The following TASP1 variants were observed in gnomAD, a reference collection of about 807,000 sequenced individuals.
TASP1 encodes the protein threonine aspartase 1.
A neutral mutation model predicts 56.6 loss-of-function variants in TASP1; 16 were observed. The observed-to-expected ratio is 0.28, with a 90% confidence interval of 0.19 to 0.43. TASP1 has a LOEUF of 0.43. Ranked by LOEUF, TASP1 falls within the 20% of genes least tolerant of loss-of-function variation. The pLI is 1.00. For missense variants in TASP1, 393 were observed against 511.6 expected, an observed-to-expected ratio of 0.77 and a Z score of 2.24; for synonymous variants, 179 against 184.2, an observed-to-expected ratio of 0.97 and a Z score of 0.23.
chr20:13,596,356 C>T (rs1425589649), intron 4 of TASP1, among the ~76,000 whole-genome samples: 11 of 139,378 alleles, frequency 7.9e-5, no homozygotes. Flanking sequence ...GCCTGGGCAA[C>T]AAGAGTGAAA....
chr20:13,314,823 CTATCTA>C, the TASP1 span, among the ~76,000 whole-genome samples: 1 of 152,132 alleles, frequency 6.6e-6, no homozygotes, highest in East Asian at 1.9e-4. Context: ...ATATCTATAT[CTATCTA>C]TATGTTTATA....
chr20:13,544,754 C>T (rs1033087476), intron 8 of TASP1, among the ~76,000 whole-genome samples: 1 of 152,180 alleles, frequency 6.6e-6, no homozygotes, highest in Non-Finnish European at 1.5e-5. Flanking sequence ...GTCTTTCTTT[C>T]ATTTTAGGGC....
chr20:13,378,725 C>A, the TASP1 span, among the ~76,000 whole-genome samples: 3 of 152,098 alleles, frequency 2.0e-5, no homozygotes, highest in Non-Finnish European at 4.4e-5. Context: ...CTTTGTAGGT[C>A]TCTAGAACTT....
chr20:13,294,555 G>C, the TASP1 span, among the ~76,000 whole-genome samples: 17,990 of 152,184 alleles, frequency 0.12, 1,356 homozygotes, highest in Middle Eastern at 0.17. Context: ...ATGTGGCTAA[G>C]GACACCAGAG....
the TASP1 span, among the ~76,000 whole-genome samples, chr20:13,223,518 C>T: frequency 6.6e-6 from 1 of 152,194 alleles, no homozygotes; most frequent in Non-Finnish European, 1.5e-5. Flanking sequence ...CTCTTGATTA[C>T]ACCAAATTTT....
At chr20:13,318,294 G>C in the TASP1 span, among the ~76,000 whole-genome samples, 2 of 152,058 alleles carry the variant, frequency 1.3e-5, 1 homozygote, top group Non-Finnish European at 2.9e-5. Flanking sequence ...GATACCATTA[G>C]AATGGCCAAA....
intron 7 of TASP1, among the ~76,000 whole-genome samples, chr20:13,563,586 TAAGAAGC>T (rs560211846): frequency 6.6e-6 from 1 of 151,198 alleles, no homozygotes; most frequent in Non-Finnish European, 1.5e-5. Context: ...AATTTATTCC[TAAGAAGC>T]AAAGGTCGTT....
At chr20:13,184,384 C>T in the TASP1 span, among the ~76,000 whole-genome samples, 1 of 152,044 alleles carries the variant, frequency 6.6e-6, no homozygotes, top group African/African-American at 2.4e-5. Flanking sequence ...TTTAATATTG[C>T]TTATCAGTAG....
At chr20:13,421,111 T>C (rs919525383) in intron 12 of TASP1, among the ~76,000 whole-genome samples, 1 of 139,882 alleles carries the variant, frequency 7.1e-6, no homozygotes, top group Non-Finnish European at 1.5e-5. Context: ...TTTCCTTCTT[T>C]TTTTTTTTTT....
intron 11 of TASP1, among the ~76,000 whole-genome samples, chr20:13,436,915 T>C (rs1472618170): frequency 1.3e-5 from 2 of 152,134 alleles, no homozygotes; most frequent in East Asian, 3.9e-4. Context: ...AAACAGTTGG[T>C]ATTTAACTAT....
At chr20:13,228,847 T>C in the TASP1 span, among the ~76,000 whole-genome samples, 1 of 152,238 alleles carries the variant, frequency 6.6e-6, no homozygotes, top group African/African-American at 2.4e-5. Context: ...TTTATTTCTG[T>C]TGTTTAATTG....
At chr20:13,160,325 A>G in the TASP1 span, among the ~76,000 whole-genome samples, 4 of 152,252 alleles carry the variant, frequency 2.6e-5, no homozygotes, top group African/African-American at 9.6e-5. Flanking sequence ...GTAGATAGAA[A>G]TGAAAATCAG....
chr20:13,590,172 T>C (rs185681025), intron 4 of TASP1, among the ~76,000 whole-genome samples: 6 of 152,084 alleles, frequency 3.9e-5, no homozygotes, highest in South Asian at 4.1e-4. Context: ...GCAGAGGTTG[T>C]AGTGAGCCAA....
At chr20:13,478,346 TACACACACAC>T (rs35289716) in intron 11 of TASP1, among the ~76,000 whole-genome samples, 2 of 140,194 alleles carry the variant, frequency 1.4e-5, no homozygotes, top group Admixed American at 7.1e-5. Context: ...GAAAATATGA[TACACACACAC>T]ACACACACAC....
At chr20:13,562,065 T>G (rs1167710094) in intron 7 of TASP1, among the ~76,000 whole-genome samples, 1 of 152,286 alleles carries the variant, frequency 6.6e-6, no homozygotes, top group South Asian at 2.1e-4. Context: ...TCTCAATAGA[T>G]TGTAAAAGAT....
chr20:13,600,878 A>G (rs1415485297), intron 4 of TASP1, among the ~76,000 whole-genome samples: 1 of 152,152 alleles, frequency 6.6e-6, no homozygotes, highest in African/African-American at 2.4e-5. Context: ...TACTCCAACG[A>G]GCACATCTAG....
intron 4 of TASP1, among the ~76,000 whole-genome samples, chr20:13,618,783 A>G (rs929151728): frequency 2.2e-4 from 33 of 152,366 alleles, no homozygotes; most frequent in African/African-American, 6.5e-4. Context: ...CATTTTTAAT[A>G]ACAGAAGTTC....
chr20:13,417,818 G>A (rs890596894), intron 12 of TASP1, among the ~76,000 whole-genome samples: 2 of 151,588 alleles, frequency 1.3e-5, no homozygotes, highest in Admixed American at 1.3e-4. Context: ...TCGTACATAC[G>A]GTACACAGTG....
chr20:13,558,947 T>C (rs775457229), intron 8 of TASP1, 61 bp downstream of exon 8: 234 of 1,089,890 alleles, frequency 2.1e-4, no homozygotes, highest in Non-Finnish European at 2.9e-4. Flanking sequence ...AAAGCTTGTA[T>C]CTAAATGCAG....
Sources: allele counts gnomAD v4.1 joint callset (sites outside exome capture counted in the v4.1 genomes callset), GRCh38; gene constraint gnomAD v4.1.1; transcripts MANE v1.5; gene names NCBI Gene and HGNC (gene_info 2026-07-23, HGNC 2026-07-21).